Variants in IHO1 observed in about 807,000 individuals in gnomAD.
IHO1 encodes interactor of HORMAD1 protein 1.
Under a neutral mutation model 31.0 loss-of-function variants are expected in IHO1, and 13 were observed. That is an observed-to-expected ratio of 0.42 (90% CI 0.27 to 0.67). IHO1 has a LOEUF of 0.67. IHO1 is among the 30% of genes least tolerant of loss of function. IHO1 has a pLI of 0.24. For missense variants in IHO1, 599 were observed against 687.5 expected, an observed-to-expected ratio of 0.87 and a Z score of 1.44; for synonymous variants, 221 against 248.4, an observed-to-expected ratio of 0.89 and a Z score of 1.04.
At chr3:49,202,458 T>C (rs2046081267) in intron 1 of IHO1, among the ~76,000 whole-genome samples, 1 of 150,074 alleles carries the variant, frequency 6.7e-6, no homozygotes, top group Non-Finnish European at 1.5e-5. Flanking sequence ...CCTGAGTAGC[T>C]GGGACCACAG....
the IHO1 span, chr3:49,191,863 T>C: frequency 7.8e-7 from 1 of 1,274,344 alleles, no homozygotes; most frequent in South Asian, 1.3e-5. Flanking sequence ...CAATTTTTTG[T>C]TGCTTAGTGA....
At chr3:49,223,555 G>A (rs1489965019) in intron 2 of IHO1, among the ~76,000 whole-genome samples, 1 of 152,126 alleles carries the variant, frequency 6.6e-6, no homozygotes, top group Non-Finnish European at 1.5e-5. Flanking sequence ...GCTGGGTGTG[G>A]TCGTGGGCAC....
intron 2 of IHO1, among the ~76,000 whole-genome samples, chr3:49,235,726 G>T (rs564282147): frequency 6.8e-6 from 1 of 148,016 alleles, no homozygotes; most frequent in East Asian, 2.1e-4. Flanking sequence ...TCAGGAGTTC[G>T]AGAGACCAGC....
chr3:49,201,512 A>G (rs1201230444), intron 1 of IHO1, among the ~76,000 whole-genome samples: 2 of 152,022 alleles, frequency 1.3e-5, no homozygotes, highest in Admixed American at 1.3e-4. Flanking sequence ...AATCCCAGCT[A>G]CTCGGGAGGC....
At chr3:49,214,611 T>TATATATATATATATATAC (rs1553616591) in intron 2 of IHO1, among the ~76,000 whole-genome samples, 2 of 27,068 alleles carry the variant, frequency 7.4e-5, no homozygotes, top group African/African-American at 2.5e-4. Flanking sequence ...CTAGATCATA[T>TATATATATATATATATAC]ATATATATAT....
At chr3:49,233,561 T>C (rs2107714597) in intron 2 of IHO1, among the ~76,000 whole-genome samples, 1 of 152,326 alleles carries the variant, frequency 6.6e-6, no homozygotes, top group Non-Finnish European at 1.5e-5. Context: ...TCAATGATGA[T>C]TGTGCTTTTA....
intron 2 of IHO1, among the ~76,000 whole-genome samples, chr3:49,218,660 G>A (rs935698892): frequency 2.0e-5 from 3 of 152,138 alleles, no homozygotes; most frequent in Non-Finnish European, 4.4e-5. Flanking sequence ...GATTATAGAC[G>A]TGAGCCACTG....
At chr3:49,196,828 G>A (rs1320771387), upstream of IHO1, among the ~76,000 whole-genome samples, 71 of 148,534 alleles carry the variant, frequency 4.8e-4, no homozygotes, top group Non-Finnish European at 6.2e-4. Context: ...CCACCACCAC[G>A]CCTGGCTAAT....
upstream of IHO1, among the ~76,000 whole-genome samples, chr3:49,195,695 C>A (rs1299876905): frequency 6.6e-6 from 1 of 151,824 alleles, no homozygotes. Context: ...GCCTGGGCCA[C>A]AGAGTGAGAC....
At chr3:49,234,109 G>C (rs530088070) in intron 2 of IHO1, among the ~76,000 whole-genome samples, 13 of 149,702 alleles carry the variant, frequency 8.7e-5, no homozygotes, top group Non-Finnish European at 1.8e-4. Flanking sequence ...TGCTTTCTCA[G>C]GTTATGCAAC....
chr3:49,228,612 G>A (rs1473997470), intron 2 of IHO1, among the ~76,000 whole-genome samples: 4 of 152,126 alleles, frequency 2.6e-5, no homozygotes, highest in Non-Finnish European at 5.9e-5. Context: ...GGACCTTCGC[G>A]ATGAGTGTTA....
At chr3:49,206,783 A>T (rs2046143697) in intron 1 of IHO1, among the ~76,000 whole-genome samples, 1 of 151,962 alleles carries the variant, frequency 6.6e-6, no homozygotes, top group Non-Finnish European at 1.5e-5. Context: ...CTGTCATCTC[A>T]GCACTTTGGG....
chr3:49,249,679 C>T (rs2107737582), intron 6 of IHO1, among the ~76,000 whole-genome samples: 1 of 152,316 alleles, frequency 6.6e-6, no homozygotes, highest in Middle Eastern at 3.4e-3. Flanking sequence ...ATGGAAATAT[C>T]TGTTCATTGT....
At chr3:49,209,191 G>A (rs970904067) in intron 1 of IHO1, among the ~76,000 whole-genome samples, 3 of 152,180 alleles carry the variant, frequency 2.0e-5, no homozygotes, top group Admixed American at 2.0e-4. Flanking sequence ...GGAGTTGCTG[G>A]TTTCATTCTC....
At chr3:49,194,950 G>T (rs2045988875), upstream of IHO1, among the ~76,000 whole-genome samples, 1 of 151,682 alleles carries the variant, frequency 6.6e-6, no homozygotes, top group African/African-American at 2.4e-5. Flanking sequence ...TATGATTTAT[G>T]GATACAAACA....
At chr3:49,243,289 C>T (rs1237586581) in intron 4 of IHO1, among the ~76,000 whole-genome samples, 3 of 151,936 alleles carry the variant, frequency 2.0e-5, no homozygotes, top group Admixed American at 6.6e-5. Context: ...ACCACAGGCG[C>T]GTGACACCAT....
intron 1 of IHO1, among the ~76,000 whole-genome samples, chr3:49,203,515 C>T (rs909638165): frequency 1.3e-5 from 2 of 152,122 alleles, no homozygotes; most frequent in Non-Finnish European, 2.9e-5. Flanking sequence ...AGGGAAGAGA[C>T]TGGAGTGGGA....
Position 49,256,273 on chromosome 3 carries a change from G to A in IHO1, c.776G>A (p.Arg259Lys). 1 of 1,614,202 alleles carries A rather than the reference G, an allele frequency of 6.2e-7. No individual in the cohort carries two copies. Among genetic ancestry groups the A allele is most frequent in the Non-Finnish European group, 8.5e-7 (1 of 1,180,046 alleles). The part of the protein sequence containing the change: ...NVPSVLAELK[R>K]LISVPPVKDS... ...CCCAGTGTCCTAGCAGAGCTGAAGA[G>A]ATTGATCTCAGTGCCTCCAGTGAAA... Residue 259 changes from arginine (R) to lysine (K), a missense_variant, in exon 8 of 8, where the codon AGA (arginine) becomes AAA (lysine). Coordinates refer to ENST00000452691, the MANE Select transcript of IHO1 (RefSeq NM_001135197.2). The surrounding 1 kb of genome is among the most constrained non-coding windows in gnomAD (Gnocchi z 4.6).
At chr3:49,227,607 G>A (rs769453988) in intron 2 of IHO1, among the ~76,000 whole-genome samples, 52 of 152,082 alleles carry the variant, frequency 3.4e-4, no homozygotes, top group Admixed American at 4.6e-4. Context: ...ATCACAAAGC[G>A]GACTGAGAAA....
Sources: allele counts gnomAD v4.1 joint callset (sites outside exome capture counted in the v4.1 genomes callset), GRCh38; gene constraint gnomAD v4.1.1; non-coding constraint Gnocchi (gnomAD v3.1); transcripts MANE v1.5; gene names NCBI Gene and HGNC (gene_info 2026-07-23, HGNC 2026-07-21).